NRXN1: variants seen among roughly 807,000 people sequenced by gnomAD.
NRXN1 encodes the protein neurexin-1.
In NRXN1, 39 loss-of-function variants were observed where a neutral mutation model predicts 150.9. The ratio of observed to expected loss-of-function variants is 0.26; its 90% CI spans 0.20 to 0.34. The LOEUF (loss-of-function observed/expected upper bound fraction) is 0.34, where lower values mean the gene tolerates loss of function less well. NRXN1 is among the 10% of genes least tolerant of loss of function. The probability of loss-of-function intolerance (pLI) is 1.00; values close to 1 mark genes in which losing one functional copy is unlikely to be tolerated. For missense variants in NRXN1, 1,815 were observed against 1,949.9 expected, an observed-to-expected ratio of 0.93 and a Z score of 1.30; for synonymous variants, 924 against 757.0, an observed-to-expected ratio of 1.22 and a Z score of -3.62.
intron 5 of NRXN1, among the ~76,000 whole-genome samples, chr2:50,699,189 T>G (rs1559140058): frequency 6.6e-6 from 1 of 152,076 alleles, no homozygotes; most frequent in Admixed American, 6.6e-5. Context: ...AAAGATTAAA[T>G]GGAAACAAAA....
intron 21 of NRXN1, among the ~76,000 whole-genome samples, chr2:49,984,025 G>A (rs551996544): frequency 6.6e-6 from 1 of 152,014 alleles, no homozygotes; most frequent in Non-Finnish European, 1.5e-5. Context: ...AATTAGCTGG[G>A]TGTGGTAATA....
At chr2:50,558,253 G>A (rs1668535162) in intron 8 of NRXN1, among the ~76,000 whole-genome samples, 2 of 152,120 alleles carry the variant, frequency 1.3e-5, no homozygotes, top group Admixed American at 6.5e-5. Context: ...AATATCTGGA[G>A]GCACAGAGTG....
chr2:50,047,708 C>G (rs929968197), intron 21 of NRXN1, among the ~76,000 whole-genome samples: 2 of 82,362 alleles, frequency 2.4e-5, no homozygotes, highest in African/African-American at 6.8e-5. Flanking sequence ...CTTCCTTCCT[C>G]TGTTTTTTTT....
At chr2:50,630,236 T>G (rs1682026118) in intron 5 of NRXN1, among the ~76,000 whole-genome samples, 1 of 151,810 alleles carries the variant, frequency 6.6e-6, no homozygotes, top group East Asian at 1.9e-4. Flanking sequence ...AGTTAACCAT[T>G]ACTGAACCAC....
intron 12 of NRXN1, among the ~76,000 whole-genome samples, chr2:50,508,806 G>A (rs1185940866): frequency 1.3e-5 from 2 of 152,042 alleles, no homozygotes; most frequent in African/African-American, 2.4e-5. Context: ...ATCTCTGTGC[G>A]CCAACTTCTA....
intron 5 of NRXN1, among the ~76,000 whole-genome samples, chr2:50,791,109 T>G (rs1335693586): frequency 6.8e-6 from 1 of 147,936 alleles, no homozygotes; most frequent in Non-Finnish European, 1.5e-5. Flanking sequence ...CAGCAATAAG[T>G]AAATGCAATC....
At chr2:50,979,114 T>A (rs1055142646) in intron 2 of NRXN1, among the ~76,000 whole-genome samples, 1 of 152,146 alleles carries the variant, frequency 6.6e-6, no homozygotes, top group African/African-American at 2.4e-5. Context: ...GACATTAAGC[T>A]AATCACAATA....
At chr2:50,059,365 G>A (rs570129376) in intron 19 of NRXN1, among the ~76,000 whole-genome samples, 37 of 152,200 alleles carry the variant, frequency 2.4e-4, no homozygotes, top group African/African-American at 6.5e-4. Flanking sequence ...CGTGACTTGT[G>A]TGCTCTTAAA....
At chr2:50,299,621 G>T (rs1424490831) in intron 17 of NRXN1, among the ~76,000 whole-genome samples, 1 of 151,992 alleles carries the variant, frequency 6.6e-6, no homozygotes, top group Non-Finnish European at 1.5e-5. Flanking sequence ...TAAAAACATA[G>T]TATAAATATC....
At chr2:50,428,513 T>C (rs1194191020) in intron 17 of NRXN1, among the ~76,000 whole-genome samples, 1 of 152,214 alleles carries the variant, frequency 6.6e-6, no homozygotes, top group Non-Finnish European at 1.5e-5. Flanking sequence ...CTTTTGTAAA[T>C]ACATTTAAAT....
intron 18 of NRXN1, among the ~76,000 whole-genome samples, chr2:50,182,598 T>C (rs1323250606): frequency 6.6e-6 from 1 of 152,054 alleles, no homozygotes; most frequent in Non-Finnish European, 1.5e-5. Context: ...TGTTATTGGA[T>C]TTCTGTTGTT....
intron 21 of NRXN1, among the ~76,000 whole-genome samples, chr2:49,993,631 A>G (rs2152523487): frequency 6.6e-6 from 1 of 152,298 alleles, no homozygotes; most frequent in Non-Finnish European, 1.5e-5. Flanking sequence ...GAGGGAAGCT[A>G]TCCATGTATG....
chr2:50,016,780 A>G (rs1478657021), intron 21 of NRXN1, among the ~76,000 whole-genome samples: 2 of 152,082 alleles, frequency 1.3e-5, no homozygotes, highest in Non-Finnish European at 2.9e-5. Context: ...CACACAGCCA[A>G]ACCACATCAG....
intron 17 of NRXN1, among the ~76,000 whole-genome samples, chr2:50,389,576 A>G (rs974607042): frequency 9.2e-5 from 14 of 152,070 alleles, no homozygotes; most frequent in African/African-American, 2.4e-4. Context: ...TCTATGTCCA[A>G]TTAGTTTTTC....
At chr2:50,540,872 G>C (rs765217264) in intron 9 of NRXN1, among the ~76,000 whole-genome samples, 2 of 152,100 alleles carry the variant, frequency 1.3e-5, no homozygotes, top group African/African-American at 4.8e-5. Flanking sequence ...ATGTTGGCCA[G>C]GTTGGTCTTG....
At chr2:50,077,094 CTG>C (rs1697231216) in intron 19 of NRXN1, among the ~76,000 whole-genome samples, 4 of 152,092 alleles carry the variant, frequency 2.6e-5, no homozygotes, top group Admixed American at 1.3e-4. Context: ...ATACTGTAAG[CTG>C]TCTTATAAAG....
intron 2 of NRXN1, among the ~76,000 whole-genome samples, chr2:50,954,614 G>A (rs757443561): frequency 1.6e-4 from 25 of 152,220 alleles, no homozygotes; most frequent in Non-Finnish European, 2.6e-4. Flanking sequence ...CTGGTACGCA[G>A]TAGGCACAGT....
intron 2 of NRXN1, among the ~76,000 whole-genome samples, chr2:50,969,209 C>G (rs72874525): frequency 6.6e-6 from 1 of 152,014 alleles, no homozygotes; most frequent in Non-Finnish European, 1.5e-5. Context: ...TTATTTTCTG[C>G]GGAGCACTAA....
At position 50,128,099 on chromosome 2, in the gene NRXN1, T is replaced by C. The variant is rs144784375; in HGVS notation, c.3547-36605A>G. On this transcript the variant is annotated intron_variant, in intron 18 of 22. Transcript: ENST00000401669. ...TACTGGGTAAGAAAAAAAGATACGATAGCTACCAGGTTGAGCAGAGATATC... is the reference window on the plus strand; with the variant it reads ...TACTGGGTAAGAAAAAAAGATACGACAGCTACCAGGTTGAGCAGAGATATC... Among the ~76,000 whole-genome samples, 30 of 152,294 alleles carry C rather than the reference T, an allele frequency of 2.0e-4. No homozygotes were observed. In the East Asian group the frequency reaches 5.8e-3, roughly 29 times the overall value.
Sources: allele counts gnomAD v4.1 joint callset (sites outside exome capture counted in the v4.1 genomes callset), GRCh38; gene constraint gnomAD v4.1.1; transcripts MANE v1.5; gene names NCBI Gene and HGNC (gene_info 2026-07-23, HGNC 2026-07-21).